CEP192: variants seen among roughly 807,000 people sequenced by gnomAD.
CEP192 encodes centrosomal protein of 192 kDa.
A neutral mutation model predicts 271.8 loss-of-function variants in CEP192; 151 were observed. The observed-to-expected ratio is 0.56, with a 90% confidence interval of 0.49 to 0.64. The LOEUF (loss-of-function observed/expected upper bound fraction) is 0.64, where lower values mean the gene tolerates loss of function less well. CEP192 is among the 30% of genes least tolerant of loss of function. CEP192 has a pLI of 0.00. For synonymous variants in CEP192, 995 were observed against 1,076.5 expected (o/e 0.92, Z 1.48); for missense variants, 2,910 against 3,020.5 (o/e 0.96, Z 0.86).
chr18:13,044,019 C>T (rs2036347267), intron 15 of CEP192, among the ~76,000 whole-genome samples: 1 of 152,056 alleles, frequency 6.6e-6, no homozygotes, highest in South Asian at 2.1e-4. Context: ...CAATTATATA[C>T]TCTTAGTTAT....
intron 20 of CEP192, 160 bp from the exon 21 acceptor site, chr18:13,058,922 C>T (rs67084247): frequency 0.15 from 90,042 of 612,996 alleles, 7,510 homozygotes; most frequent in East Asian, 0.28. Flanking sequence ...CGTTGTACTT[C>T]AGAGACCATA....
At chr18:12,991,512 G>T (rs2032839282) in intron 1 of CEP192, 75 bp downstream of exon 1, 1 of 152,338 alleles carries the variant, frequency 6.6e-6, no homozygotes, top group Non-Finnish European at 1.5e-5. Context: ...CTACGTTTCG[G>T]CTGCCGGACC....
intron 18 of CEP192, among the ~76,000 whole-genome samples, chr18:13,055,421 C>T (rs1285804300): frequency 1.3e-5 from 2 of 152,178 alleles, no homozygotes; most frequent in Admixed American, 6.5e-5. Context: ...GCTCAGCCCC[C>T]ACTCCTTCGT....
chr18:13,007,239 T>C (rs1297491405), intron 3 of CEP192, among the ~76,000 whole-genome samples: 1 of 152,244 alleles, frequency 6.6e-6, no homozygotes, highest in Non-Finnish European at 1.5e-5. Flanking sequence ...TAGATTTCCT[T>C]ACTGTCATTT....
At position 13,057,642 on chromosome 18, in the gene CEP192, C is replaced by G. The variant is rs1256967009; in HGVS notation, c.4166C>G (p.Ala1389Gly). 1 of 1,614,170 alleles carries G rather than the reference C, an allele frequency of 6.2e-7. No homozygotes were observed. The highest frequency in any genetic ancestry group is 2.2e-5 in the East Asian group (1 of 44,890). The change falls in exon 20 of 45, where the codon GCT becomes GGT. Residue 1389 changes from alanine to glycine, a missense_variant. Transcript: ENST00000506447. ...KLPHACCVGIASQTLLSVLNP... is the reference protein window; with the variant it reads ...KLPHACCVGIGSQTLLSVLNP... ...CCTCATGCTTGCTGTGTCGGGATCG[C>G]TTCCCAGACCCTCCTCAGTGTGCTT...
At chr18:13,115,200 C>T (rs558727813) in intron 42 of CEP192, among the ~76,000 whole-genome samples, 1 of 152,324 alleles carries the variant, frequency 6.6e-6, no homozygotes, top group African/African-American at 2.4e-5. Flanking sequence ...GCTCTCTGAG[C>T]CCCGCGCCTC....
At chr18:13,020,735 TCTTTA>T (rs1217157762) in intron 9 of CEP192, among the ~76,000 whole-genome samples, 6 of 152,202 alleles carry the variant, frequency 3.9e-5, no homozygotes, top group African/African-American at 1.2e-4. Flanking sequence ...TATTTAACAC[TCTTTA>T]CTTTTTTCCC....
At chr18:13,051,161 G>A (rs1041586185) in intron 17 of CEP192, among the ~76,000 whole-genome samples, 1 of 152,108 alleles carries the variant, frequency 6.6e-6, no homozygotes, top group African/African-American at 2.4e-5. Context: ...ATTCTTCATT[G>A]TTACTTTGCT....
intron 1 of CEP192, among the ~76,000 whole-genome samples, chr18:12,994,616 A>G (rs2145734940): frequency 6.6e-6 from 1 of 152,276 alleles, no homozygotes; most frequent in East Asian, 1.9e-4. Flanking sequence ...AGGAAGATAT[A>G]GACTATTTCA....
chr18:13,073,261 T>TA, intron 30 of CEP192, 76 bp downstream of exon 30: 1 of 1,270,002 alleles, frequency 7.9e-7, no homozygotes, highest in Non-Finnish European at 1.1e-6. Flanking sequence ...TGTTGTAAAT[T>TA]ATACAGTCTG....
At chr18:13,021,071 A>G (rs2034963182) in intron 9 of CEP192, among the ~76,000 whole-genome samples, 1 of 152,074 alleles carries the variant, frequency 6.6e-6, no homozygotes, top group South Asian at 2.1e-4. Flanking sequence ...TTAAATTATG[A>G]TGTAGTGTGA....
rs147381483 is a variant in CEP192, at chr18:13,003,334, A to G, written c.290+1752A>G. Among the ~76,000 whole-genome samples, 778 of 151,534 alleles carry G rather than the reference A, an allele frequency of 5.1e-3. 4 individuals are homozygous for G. The highest frequency in any genetic ancestry group is 8.8e-3 in the Non-Finnish European group (599 of 67,892). ...CATAATGGCATGTGGCTGTAATCCT[A>G]GCTACTTGGGAGGCTGCAGCAGGAG... On this transcript the variant is annotated intron_variant, in intron 3 of 44. Coordinates refer to ENST00000506447, the MANE Select transcript of CEP192 (RefSeq NM_032142.4).
chr18:13,082,835 A>T (rs2038694209), intron 30 of CEP192, among the ~76,000 whole-genome samples: 1 of 152,102 alleles, frequency 6.6e-6, no homozygotes, highest in African/African-American at 2.4e-5. Context: ...AAAATCTCTC[A>T]GCGTTTGCTT....
intron 24 of CEP192, 113 bp from the exon 25 acceptor site, chr18:13,068,739 C>T: frequency 9.5e-7 from 1 of 1,050,672 alleles, no homozygotes; most frequent in Non-Finnish European, 1.4e-6. Flanking sequence ...TTTAAAAAAT[C>T]TGCTTGCCTA....
intron 27 of CEP192, among the ~76,000 whole-genome samples, 187 bp from the exon 28 acceptor site, chr18:13,070,852 C>A (rs150421440): frequency 6.6e-6 from 1 of 152,228 alleles, no homozygotes; most frequent in Non-Finnish European, 1.5e-5. Flanking sequence ...CTCACACCCC[C>A]CTGTGCAGAT....
intron 13 of CEP192, among the ~76,000 whole-genome samples, chr18:13,039,689 G>A (rs1034251480): frequency 1.3e-5 from 2 of 152,100 alleles, no homozygotes; most frequent in Non-Finnish European, 2.9e-5. Flanking sequence ...TAGGAGGGGG[G>A]TTTTATCTCA....
intron 15 of CEP192, among the ~76,000 whole-genome samples, chr18:13,046,866 T>C (rs1388950918): frequency 7.0e-6 from 1 of 142,604 alleles, no homozygotes; most frequent in Non-Finnish European, 1.5e-5. Context: ...CTGCTGATAA[T>C]GAATTTTGTT....
intron 7 of CEP192, 38 bp from the exon 8 acceptor site, chr18:13,018,442 T>C (rs2034788398): frequency 7.6e-7 from 1 of 1,320,578 alleles, no homozygotes; most frequent in Non-Finnish European, 1.0e-6. Context: ...TTCATTTTAA[T>C]TTAAAAGATT....
Position 13,073,157 on chromosome 18 carries a change from A to C in CEP192, c.5588A>C (p.Asn1863Thr), listed in dbSNP as rs749629428. The C allele has an allele frequency of 6.2e-7, 1 of 1,612,240 alleles. No homozygotes were observed. The highest frequency in any genetic ancestry group is 1.3e-5 in the African/African-American group (1 of 74,880). ...AGACTAGAAATCAAACAACTTGGAAATCGATCACAACCAGGCATTAAGTTC... is the reference window on the plus strand; with the variant it reads ...AGACTAGAAATCAAACAACTTGGAACTCGATCACAACCAGGCATTAAGTTC... Reference protein sequence around the residue: ...LARLEIKQLGNRSQPGIKFTI... With the variant: ...LARLEIKQLGTRSQPGIKFTI... The change falls in exon 30 of 45, where the codon AAT (asparagine) becomes ACT (threonine). Residue 1863 changes from asparagine to threonine, a missense_variant. By Grantham distance (65) the Asn-to-Thr change is moderately conservative. Transcript: ENST00000506447.
Sources: gnomAD v4.1 joint callset for allele counts (sites outside exome capture counted in the v4.1 genomes callset) on GRCh38, gnomAD v4.1.1 for gene constraint, MANE v1.5 for transcripts, NCBI Gene and HGNC (gene_info 2026-07-23, HGNC 2026-07-21) for gene names.